PHF12: variants seen among roughly 807,000 people sequenced by gnomAD.
The protein encoded by PHF12 is PHD factor 1.
A neutral mutation model predicts 99.8 loss-of-function variants in PHF12; 6 were observed. The observed-to-expected ratio is 0.06, with a 90% CI of 0.03 to 0.12. The LOEUF is 0.12. Ranked by LOEUF, PHF12 falls within the 10% of genes least tolerant of loss-of-function variation. The probability of loss-of-function intolerance (pLI) is 1.00; values close to 1 mark genes in which losing one functional copy is unlikely to be tolerated. For missense variants in PHF12, 954 were observed against 1,300.1 expected (o/e 0.73, Z 4.09); for synonymous variants, 480 against 514.9 (o/e 0.93, Z 0.92).
chr17:28,940,197 C>G (rs774117224), intron 2 of PHF12, among the ~76,000 whole-genome samples: 26 of 152,200 alleles, frequency 1.7e-4, no homozygotes, highest in Non-Finnish European at 3.5e-4. Flanking sequence ...AAGGTATCAT[C>G]CACTTGGAAT....
chr17:28,939,904 C>T lies in PHF12; in HGVS notation c.248+10161G>A, dbSNP rs141538594. On this transcript the variant is annotated intron_variant, in intron 2 of 14. Coordinates refer to ENST00000332830, the MANE Select transcript of PHF12 (RefSeq NM_001033561.2). ...TTAAATTCAAACCCTGCAGAGAGTC[C>T]TCTTTTGCTCACTCAAGCTTATTTC... Among the ~76,000 whole-genome samples the T allele has an allele frequency of 3.3e-5, 5 of 152,302 alleles. No homozygotes were observed. In the East Asian group the frequency reaches 9.6e-4, roughly 29 times the overall value.
At chr17:28,942,739 C>A (rs1360159669) in intron 2 of PHF12, among the ~76,000 whole-genome samples, 1 of 151,988 alleles carries the variant, frequency 6.6e-6, no homozygotes, top group East Asian at 1.9e-4. Context: ...CCACTTGAAC[C>A]TGGGAGGTGA....
intron 2 of PHF12, among the ~76,000 whole-genome samples, chr17:28,938,612 T>C (rs551020954): frequency 2.0e-5 from 3 of 152,240 alleles, no homozygotes; most frequent in Non-Finnish European, 2.9e-5. Flanking sequence ...ACAGGGTCTA[T>C]AGAAACAGGA....
Position 28,912,617 on chromosome 17 carries a change from G to A in PHF12, c.1954C>T (p.Pro652Ser), listed in dbSNP as rs1432032865. 6.2e-7 allele frequency: 1 copy of A among 1,614,086 alleles called. No homozygotes were observed. Among genetic ancestry groups the A allele is most frequent in the South Asian group, 1.1e-5 (1 of 91,090 alleles). ...AGTGGCCTTGAATCTGTCAACGGAG[G>A]TCCTATCTGTGATTGGACAGTCTTT... is the stretch of plus-strand genomic sequence containing the variant. ...QRKTVQSQIG[P>S]PLTDSRPLGS... The change falls in exon 9 of 15, where the codon CCT (proline) becomes TCT (serine). Residue 652 changes from proline (P) to serine (S), a missense_variant. Transcript: ENST00000332830.
rs1447258621 is a variant in PHF12, at chr17:28,951,334, G to A, written c.-374C>T. 2.9e-6 allele frequency: 3 copies of A among 1,051,152 alleles called. No individual in the cohort carries two copies. Among genetic ancestry groups the A allele is most frequent in the East Asian group, 8.6e-5 (1 of 11,606 alleles). 65.1% of individuals were successfully genotyped at this position (1,051,152 alleles called of 1,614,324 possible). Reference sequence around the variant, plus strand: ...CCCGGGGCTGGGGGTATCGGAGGGGGGGTGAGAGGTTACGTGAGGTTGTGG... The same window carrying A: ...CCCGGGGCTGGGGGTATCGGAGGGGAGGTGAGAGGTTACGTGAGGTTGTGG... On this transcript the variant is annotated 5_prime_UTR_variant, in exon 1 of 15. Transcript: ENST00000332830.
At chr17:28,914,439 G>A (rs1323491778) in intron 7 of PHF12, among the ~76,000 whole-genome samples, 1 of 151,996 alleles carries the variant, frequency 6.6e-6, no homozygotes, top group Non-Finnish European at 1.5e-5. Context: ...TTGGGAGGCC[G>A]AGGCGGGAGG....
At chr17:28,933,498 T>C (rs2040452730) in intron 2 of PHF12, among the ~76,000 whole-genome samples, 1 of 152,132 alleles carries the variant, frequency 6.6e-6, no homozygotes. Flanking sequence ...GCTATTTTTG[T>C]TGTTGTTGTT....
At chr17:28,944,371 T>C in intron 2 of PHF12, 1 of 640,236 alleles carries the variant, frequency 1.6e-6, no homozygotes, top group South Asian at 7.0e-5. Context: ...ACAAAAACTG[T>C]AATCTTTCAA....
At position 28,950,980 on chromosome 17, in the gene PHF12, G is replaced by T. The variant is rs925890957; in HGVS notation, c.-20C>A. 2.5e-6 allele frequency: 4 copies of T among 1,613,728 alleles called. No individual in the cohort carries two copies. The highest frequency in any genetic ancestry group is 2.5e-6 in the Non-Finnish European group (3 of 1,179,806). Reference sequence around the variant, plus strand: ...CCACATTCATCCACCTCCCGGGCTGGGTGCTCTCTGCTCCGGCCCCCCCAA... The same window carrying T: ...CCACATTCATCCACCTCCCGGGCTGTGTGCTCTCTGCTCCGGCCCCCCCAA... On this transcript the variant is annotated 5_prime_UTR_variant, in exon 1 of 15. Transcript: ENST00000332830. This position sits in a 1 kb window ranked among gnomAD's most constrained non-coding sequence, Gnocchi z 5.7.
chr17:28,910,729 C>A, intron 10 of PHF12: 1 of 389,708 alleles, frequency 2.6e-6, no homozygotes, highest in African/African-American at 2.0e-5. Context: ...TCACAGAGAT[C>A]AAGATCTGTC....
intron 8 of PHF12, 110 bp from the exon 9 acceptor site, chr17:28,913,387 TC>T: frequency 7.4e-6 from 11 of 1,480,676 alleles, no homozygotes; most frequent in Non-Finnish European, 9.8e-6. Context: ...CGAGGTCCCA[TC>T]ATGAATGCTC....
In PHF12 at chr17:28,906,026, A is replaced by T. The variant is rs1032866240; in HGVS notation, c.*157T>A. The T allele has an allele frequency of 1.3e-6, 1 of 754,698 alleles. No homozygotes were observed. The highest frequency in any genetic ancestry group is 2.0e-6 in the Non-Finnish European group (1 of 498,776). 46.8% of individuals were successfully genotyped at this position (754,698 alleles called of 1,614,324 possible). On this transcript the variant is annotated 3_prime_UTR_variant, in exon 15 of 15. Transcript: ENST00000332830. This position sits in a 1 kb window ranked among gnomAD's most constrained non-coding sequence, Gnocchi z 4.2. Reference sequence around the variant, plus strand: ...ACTTGAGAAAAGAAAAAGGATTTTTAAAAAACAGTCAAAAGGTTTTCTTCA... The same window carrying T: ...ACTTGAGAAAAGAAAAAGGATTTTTTAAAAACAGTCAAAAGGTTTTCTTCA...
chr17:28,940,220 A>G (rs1407872581), intron 2 of PHF12, among the ~76,000 whole-genome samples: 1 of 152,202 alleles, frequency 6.6e-6, no homozygotes, highest in Non-Finnish European at 1.5e-5. Context: ...CCCAGATATC[A>G]TTTTTGTTCC....
At chr17:28,907,969 A>G (rs937097382) in intron 12 of PHF12, 7 of 259,468 alleles carry the variant, frequency 2.7e-5, no homozygotes, top group Non-Finnish European at 4.6e-5. Context: ...AAAATACAAC[A>G]TCGGGGTGCA....
rs1026616260 is a variant in PHF12 at position 28,951,049 on chromosome 17, C to T, written c.-89G>A. ...GGTGAGGGGAGGGGGCGCTCCTGAC[C>T]CCGGCCCCGCTTTTTTCCCAATACG... On this transcript the variant is annotated 5_prime_UTR_variant, in exon 1 of 15. Coordinates refer to ENST00000332830, the MANE Select transcript of PHF12 (RefSeq NM_001033561.2). 25 of 1,590,266 alleles carry T rather than the reference C, an allele frequency of 1.6e-5. No individual in the cohort carries two copies. Among genetic ancestry groups the T allele is most frequent in the East Asian group, 2.3e-5 (1 of 44,154 alleles).
Position 28,906,622 on chromosome 17 carries a change from A to G in PHF12, c.2681-105T>C. ...TGCATCTCCCCATTCCAACTGCTGC[A>G]TGACTAGGGAGGAAGGATGCTCAGA... On this transcript the variant is annotated intron_variant, in intron 14 of 14. Transcript: ENST00000332830. This position sits in a 1 kb window ranked among gnomAD's most constrained non-coding sequence, Gnocchi z 4.2. 1 of 1,323,584 alleles carries G rather than the reference A, an allele frequency of 7.6e-7. No individual in the cohort carries two copies. Among genetic ancestry groups the G allele is most frequent in the Non-Finnish European group, 1.0e-6 (1 of 968,956 alleles). 82.0% of individuals were successfully genotyped at this position (1,323,584 alleles called of 1,614,324 possible).
At chr17:28,923,558 T>C (rs904423921) in intron 4 of PHF12, among the ~76,000 whole-genome samples, 2 of 141,468 alleles carry the variant, frequency 1.4e-5, no homozygotes, top group African/African-American at 5.3e-5. Context: ...CTTGGAAGGC[T>C]GAAGCACGAG....
rs761222585 is a variant in PHF12, at chr17:28,906,892, G to T, written c.2644C>A (p.Pro882Thr). 44 of 1,612,012 alleles carry T rather than the reference G, an allele frequency of 2.7e-5. No individual in the cohort carries two copies. The highest frequency in any genetic ancestry group is 1.7e-4 in the Admixed American group (10 of 59,712). ...DFSEKTPPTP[P>T]SSIVAKVQSV... ...TGCACTTTGGCAACAATACTGCTTGGGGGGGTTGGCGGGGTCTTCTCCGAG... is the reference window on the plus strand; with the variant it reads ...TGCACTTTGGCAACAATACTGCTTGTGGGGGTTGGCGGGGTCTTCTCCGAG... The change falls in exon 14 of 15, where the codon CCA becomes ACA. Residue 882 changes from proline (P) to threonine (T), a missense_variant. By Grantham distance (38) the Pro-to-Thr change is conservative. Transcript: ENST00000332830. The surrounding 1 kb of genome is among the most constrained non-coding windows in gnomAD (Gnocchi z 4.2).
In PHF12 at chr17:28,910,239, C is replaced by A. The variant is rs773180846; in HGVS notation, c.2346G>T (p.Gly782=). Residue 782 remains glycine, a synonymous_variant, in exon 11 of 15, where the codon GGG becomes GGT. Transcript: ENST00000332830. ...SVGTHQLASG[G]HHIEVQRKEV... is the part of the protein sequence containing the mutation. ...GTACATGCGCACCTTCTATGTGGTGCCCTCCAGAAGCCAGCTGATGTGTCC... is the reference window on the plus strand; with the variant it reads ...GTACATGCGCACCTTCTATGTGGTGACCTCCAGAAGCCAGCTGATGTGTCC... 2.5e-6 allele frequency: 4 copies of A among 1,614,210 alleles called. No homozygotes were observed. The highest frequency in any genetic ancestry group is 2.2e-5 in the East Asian group (1 of 44,890).
Sources: gnomAD v4.1 joint callset for allele counts (sites outside exome capture counted in the v4.1 genomes callset) on GRCh38, gnomAD v4.1.1 for gene constraint, Gnocchi (gnomAD v3.1) non-coding constraint, MANE v1.5 for transcripts, NCBI Gene and HGNC (gene_info 2026-07-23, HGNC 2026-07-21) for gene names.